The following CAST variants were observed in gnomAD, a reference collection of about 807,000 sequenced individuals.
CAST encodes calpastatin, also known as MIR583 host.
A neutral mutation model predicts 119.6 loss-of-function variants in CAST; 76 were observed. The observed-to-expected ratio is 0.64, with a 90% CI of 0.53 to 0.77. The LOEUF (loss-of-function observed/expected upper bound fraction) is 0.77, where lower values mean the gene tolerates loss of function less well. CAST is among the 30% of genes least tolerant of loss of function. The probability of loss-of-function intolerance (pLI) is 0.00; values close to 1 mark genes in which losing one functional copy is unlikely to be tolerated. For missense variants in CAST, 953 were observed against 946.5 expected, an observed-to-expected ratio of 1.01 and a Z score of -0.09; for synonymous variants, 319 against 331.6, an observed-to-expected ratio of 0.96 and a Z score of 0.41.
the CAST span, among the ~76,000 whole-genome samples, chr5:96,095,868 A>C: frequency 6.6e-6 from 1 of 152,144 alleles, no homozygotes; most frequent in South Asian, 2.1e-4. Context: ...TATTAATTCT[A>C]GTGTTTAGCA....
At chr5:96,011,989 G>A in the CAST span, among the ~76,000 whole-genome samples, 59 of 152,242 alleles carry the variant, frequency 3.9e-4, no homozygotes, top group African/African-American at 1.4e-3. Flanking sequence ...TGGGGTAGAT[G>A]TACTGGGTGT....
At chr5:96,481,247 A>ATACTGAC in the CAST span, among the ~76,000 whole-genome samples, 1 of 152,106 alleles carries the variant, frequency 6.6e-6, no homozygotes, top group African/African-American at 2.4e-5. Context: ...CTGTCTTTGC[A>ATACTGAC]TACTGACTGT....
the CAST span, among the ~76,000 whole-genome samples, chr5:96,111,714 A>C: frequency 3.3e-5 from 5 of 152,216 alleles, no homozygotes; most frequent in African/African-American, 1.2e-4. Flanking sequence ...TCACAACATC[A>C]CAGTACCTAA....
At chr5:96,262,679 G>A in the CAST span, among the ~76,000 whole-genome samples, 1 of 152,062 alleles carries the variant, frequency 6.6e-6, no homozygotes, top group Non-Finnish European at 1.5e-5. Flanking sequence ...ACAGGCGCCT[G>A]CCACCACGCC....
chr5:96,601,037 T>C (rs1747142301), intron 1 of CAST, among the ~76,000 whole-genome samples: 1 of 152,152 alleles, frequency 6.6e-6, no homozygotes, highest in Non-Finnish European at 1.5e-5. Context: ...CTATCTATCT[T>C]TCTCTGATGT....
the CAST span, chr5:96,397,556 G>A: frequency 8.0e-7 from 1 of 1,251,812 alleles, no homozygotes; most frequent in South Asian, 1.2e-5. Context: ...AATAAAAGCT[G>A]AAAAAGATGA....
At chr5:96,211,919 G>C in the CAST span, among the ~76,000 whole-genome samples, 3 of 152,042 alleles carry the variant, frequency 2.0e-5, no homozygotes, top group African/African-American at 7.2e-5. Context: ...TTTGCATGTA[G>C]AATTGCCACA....
intron 1 of CAST, among the ~76,000 whole-genome samples, chr5:96,664,122 A>G (rs183081526): frequency 1.4e-4 from 21 of 152,286 alleles, no homozygotes; most frequent in Admixed American, 1.3e-3. Flanking sequence ...TACCCTGTAT[A>G]AGAATCAAGA....
At chr5:96,036,986 A>T in the CAST span, among the ~76,000 whole-genome samples, 1 of 152,152 alleles carries the variant, frequency 6.6e-6, no homozygotes, top group Admixed American at 6.6e-5. Context: ...ATAAAATGGA[A>T]ATCTGATCTA....
intron 1 of CAST, among the ~76,000 whole-genome samples, chr5:96,573,965 G>A (rs1046210078): frequency 2.7e-5 from 4 of 150,798 alleles, no homozygotes; most frequent in African/African-American, 4.9e-5. Flanking sequence ...TTATTGCTAC[G>A]TAGTATTCCA....
At chr5:96,208,492 T>G in the CAST span, among the ~76,000 whole-genome samples, 1 of 152,002 alleles carries the variant, frequency 6.6e-6, no homozygotes, top group African/African-American at 2.4e-5. Context: ...TTAATACTGC[T>G]TTAACTGTGT....
the CAST span, among the ~76,000 whole-genome samples, chr5:96,044,064 G>C: frequency 6.6e-6 from 1 of 152,130 alleles, no homozygotes; most frequent in Non-Finnish European, 1.5e-5. Context: ...GAAAACAGTG[G>C]GAAATAACAA....
At chr5:96,149,740 T>A in the CAST span, among the ~76,000 whole-genome samples, 1 of 152,234 alleles carries the variant, frequency 6.6e-6, no homozygotes, top group Non-Finnish European at 1.5e-5. Context: ...AGACAAAGAA[T>A]TGACATTAGC....
At chr5:96,083,049 A>G in the CAST span, among the ~76,000 whole-genome samples, 235 of 152,338 alleles carry the variant, frequency 1.5e-3, 1 homozygote, top group Middle Eastern at 6.8e-3. Context: ...TTTGGCTTTC[A>G]TGAAACCAAG....
At chr5:96,528,524 A>G (rs528916713), upstream of CAST, among the ~76,000 whole-genome samples, 5 of 152,234 alleles carry the variant, frequency 3.3e-5, no homozygotes, top group South Asian at 6.2e-4. Flanking sequence ...CTGCAGGAGG[A>G]TACTGAAAAG....
At chr5:96,609,297 C>T (rs2150195800) in intron 1 of CAST, among the ~76,000 whole-genome samples, 2 of 152,294 alleles carry the variant, frequency 1.3e-5, no homozygotes, top group South Asian at 4.1e-4. Context: ...AGGTTGACAA[C>T]TTCCAGAAGC....
the CAST span, among the ~76,000 whole-genome samples, chr5:96,103,711 T>C: frequency 6.6e-6 from 1 of 152,044 alleles, no homozygotes; most frequent in Admixed American, 6.6e-5. Context: ...TTTGGGTATA[T>C]ACCCAGTAAT....
chr5:96,021,200 T>C, the CAST span, among the ~76,000 whole-genome samples: 2 of 152,194 alleles, frequency 1.3e-5, no homozygotes, highest in Non-Finnish European at 2.9e-5. Context: ...TCTAGCATCA[T>C]AGGATGAATG....
At chr5:96,592,267 G>T (rs900663986) in intron 1 of CAST, among the ~76,000 whole-genome samples, 7 of 152,044 alleles carry the variant, frequency 4.6e-5, no homozygotes, top group African/African-American at 9.7e-5. Context: ...CAGGTGTGGT[G>T]ATGTGCGCCT....
Sources: allele counts gnomAD v4.1 joint callset (sites outside exome capture counted in the v4.1 genomes callset), GRCh38; gene constraint gnomAD v4.1.1; transcripts MANE v1.5; gene names NCBI Gene and HGNC (gene_info 2026-07-23, HGNC 2026-07-21).